The following DLG2 variants were observed in gnomAD, a reference collection of about 807,000 sequenced individuals.
DLG2 encodes the protein discs large MAGUK scaffold protein 2, also known as disks large homolog 2.
A neutral mutation model predicts 132.5 loss-of-function variants in DLG2; 45 were observed. That is an observed-to-expected ratio of 0.34 (90% CI 0.27 to 0.44). The LOEUF is 0.44. Ranked by LOEUF, DLG2 falls within the 20% of genes least tolerant of loss-of-function variation. The pLI, the probability that DLG2 is intolerant of heterozygous loss-of-function variation, is 1.00. For missense variants in DLG2, 1,045 were observed against 1,196.9 expected, an observed-to-expected ratio of 0.87 and a Z score of 1.87; for synonymous variants, 424 against 419.6, an observed-to-expected ratio of 1.01 and a Z score of -0.13.
At chr11:84,658,157 C>T (rs1021107961) in intron 6 of DLG2, among the ~76,000 whole-genome samples, 1 of 152,054 alleles carries the variant, frequency 6.6e-6, no homozygotes, top group African/African-American at 2.4e-5. Flanking sequence ...AAAATGTATA[C>T]ACGATGATTT....
intron 3 of DLG2, among the ~76,000 whole-genome samples, chr11:85,475,942 T>C (rs1472482395): frequency 6.6e-6 from 1 of 152,156 alleles, no homozygotes; most frequent in Non-Finnish European, 1.5e-5. Context: ...ATAGACGTAA[T>C]ATCCAAAGAT....
Position 85,284,474 on chromosome 11 carries a change from G to C in DLG2, c.186+746C>G, listed in dbSNP as rs565857702. Among the ~76,000 whole-genome samples the C allele has an allele frequency of 5.9e-5, 9 of 151,886 alleles. No individual in the cohort carries two copies. The East Asian group carries it at 1.7e-3, about 29-fold the overall frequency. ...GAGTTGGCTACATGACTCCAATCTTGAAAAATAGTGTGTGTGGGTATGTAC... is the reference window on the plus strand; with the variant it reads ...GAGTTGGCTACATGACTCCAATCTTCAAAAATAGTGTGTGTGGGTATGTAC... On this transcript the variant is annotated intron_variant, in intron 4 of 27. Coordinates refer to ENST00000376104, the MANE Select transcript of DLG2 (RefSeq NM_001142699.3).
At chr11:85,352,046 T>C (rs2083331939) in intron 3 of DLG2, among the ~76,000 whole-genome samples, 1 of 152,184 alleles carries the variant, frequency 6.6e-6, no homozygotes, top group South Asian at 2.1e-4. Context: ...TCCTGGACTT[T>C]TTTTGGTTGG....
At chr11:85,497,855 A>C (rs1447999326) in intron 3 of DLG2, among the ~76,000 whole-genome samples, 1 of 152,224 alleles carries the variant, frequency 6.6e-6, no homozygotes, top group Admixed American at 6.5e-5. Context: ...GGGGAAATAA[A>C]ATCTTTTACA....
intron 10 of DLG2, among the ~76,000 whole-genome samples, chr11:84,098,035 C>CTTTTTTTTTTTTTTTTTTTTTT (rs35298703): frequency 8.2e-6 from 1 of 121,844 alleles, no homozygotes; most frequent in African/African-American, 3.2e-5. Flanking sequence ...CACCATGTGC[C>CTTTTTTTTTTTTTTTTTTTTTT]TTTTTTTTTT....
chr11:85,011,762 C>G (rs1341510818), intron 6 of DLG2, among the ~76,000 whole-genome samples: 2 of 152,124 alleles, frequency 1.3e-5, no homozygotes, highest in East Asian at 3.8e-4. Flanking sequence ...TAAGAGAATT[C>G]CAGTCTCTTA....
At chr11:85,613,068 A>G (rs535110426) in intron 2 of DLG2, among the ~76,000 whole-genome samples, 23 of 152,308 alleles carry the variant, frequency 1.5e-4, no homozygotes, top group African/African-American at 4.8e-4. Flanking sequence ...TTATAGGAAA[A>G]GGCTTCTGAA....
chr11:83,695,996 T>C (rs1259549888), intron 18 of DLG2, among the ~76,000 whole-genome samples: 1 of 152,172 alleles, frequency 6.6e-6, no homozygotes, highest in East Asian at 1.9e-4. Context: ...TTCTCTGTCA[T>C]GTGGGTCAGG....
At chr11:83,806,914 G>A (rs548480133) in intron 17 of DLG2, among the ~76,000 whole-genome samples, 2 of 152,302 alleles carry the variant, frequency 1.3e-5, no homozygotes, top group South Asian at 4.1e-4. Flanking sequence ...CAGGACCCTA[G>A]AAGGTGGCAA....
At chr11:85,075,668 G>GTA (rs1231798701) in intron 6 of DLG2, among the ~76,000 whole-genome samples, 1 of 151,692 alleles carries the variant, frequency 6.6e-6, no homozygotes, top group Non-Finnish European at 1.5e-5. Context: ...TTCTGAGAGT[G>GTA]TATATATATG....
chr11:84,961,952 C>T (rs557088587), intron 6 of DLG2, among the ~76,000 whole-genome samples: 4 of 152,204 alleles, frequency 2.6e-5, no homozygotes, highest in East Asian at 1.9e-4. Context: ...CCCACTCCCA[C>T]TGCCATCTCT....
intron 11 of DLG2, among the ~76,000 whole-genome samples, chr11:84,004,513 TA>T (rs2094490009): frequency 6.6e-6 from 1 of 152,014 alleles, no homozygotes; most frequent in Non-Finnish European, 1.5e-5. Flanking sequence ...AGTTTCTCTC[TA>T]ATAACTGGAA....
intron 3 of DLG2, chr11:85,524,954 A>G (rs767127031): frequency 1.3e-5 from 2 of 149,576 alleles, no homozygotes; most frequent in Admixed American, 6.7e-5. Context: ...GTGAATCTCA[A>G]TGGGAATACT....
At chr11:85,055,684 A>G (rs1415493810) in intron 6 of DLG2, among the ~76,000 whole-genome samples, 2 of 152,204 alleles carry the variant, frequency 1.3e-5, no homozygotes, top group Admixed American at 1.3e-4. Context: ...AGCAATAGTC[A>G]ATTCATTAGC....
At chr11:84,439,893 C>G (rs1042556711) in intron 7 of DLG2, among the ~76,000 whole-genome samples, 4 of 152,124 alleles carry the variant, frequency 2.6e-5, no homozygotes, top group African/African-American at 9.7e-5. Flanking sequence ...AGACAAAATG[C>G]CTTGAACTTT....
intron 3 of DLG2, among the ~76,000 whole-genome samples, chr11:85,370,994 A>G (rs1055411334): frequency 5.9e-5 from 9 of 152,188 alleles, no homozygotes; most frequent in Non-Finnish European, 1.5e-5. Context: ...CATGGAGTTA[A>G]CCAAACTTCT....
chr11:83,707,352 C>G (rs945131176), intron 18 of DLG2, among the ~76,000 whole-genome samples: 1 of 152,182 alleles, frequency 6.6e-6, no homozygotes, highest in Non-Finnish European at 1.5e-5. Context: ...TATCCAGTAC[C>G]GTGCAGTGCA....
intron 10 of DLG2, among the ~76,000 whole-genome samples, chr11:84,069,140 A>C (rs1016565038): frequency 2.6e-5 from 4 of 152,192 alleles, no homozygotes; most frequent in Non-Finnish European, 5.9e-5. Context: ...GGTCTAGAGC[A>C]GGAGAGAAGA....
chr11:84,511,980 G>T (rs747177838), intron 7 of DLG2, among the ~76,000 whole-genome samples: 1 of 152,058 alleles, frequency 6.6e-6, no homozygotes, highest in Non-Finnish European at 1.5e-5. Flanking sequence ...TAGGTAACAC[G>T]CTCGAGGTCA....
Sources: allele counts gnomAD v4.1 joint callset (sites outside exome capture counted in the v4.1 genomes callset), GRCh38; gene constraint gnomAD v4.1.1; transcripts MANE v1.5; gene names NCBI Gene and HGNC (gene_info 2026-07-23, HGNC 2026-07-21).